Variants in TAS2R1 observed in about 807,000 individuals in gnomAD.
TAS2R1 encodes taste 2 receptor member 1.
For missense variants in TAS2R1, 370 were observed against 353.4 expected, an observed-to-expected ratio of 1.05 and a Z score of -0.38; for synonymous variants, 141 against 134.2, an observed-to-expected ratio of 1.05 and a Z score of -0.35.
chr5:9,789,624 G>T, the TAS2R1 span, among the ~76,000 whole-genome samples: 2 of 152,214 alleles, frequency 1.3e-5, no homozygotes, highest in Non-Finnish European at 2.9e-5. Flanking sequence ...TGTACCAGAT[G>T]CATGAATCGA....
chr5:9,793,244 G>A, the TAS2R1 span, among the ~76,000 whole-genome samples: 1 of 152,308 alleles, frequency 6.6e-6, no homozygotes, highest in South Asian at 2.1e-4. Flanking sequence ...AAGGGCATAG[G>A]AAATGATGCA....
the TAS2R1 span, among the ~76,000 whole-genome samples, chr5:9,792,365 G>C: frequency 2.0e-5 from 3 of 152,264 alleles, no homozygotes; most frequent in South Asian, 4.1e-4. Context: ...GAACCCATCT[G>C]TTCTATCTGG....
the TAS2R1 span, among the ~76,000 whole-genome samples, chr5:9,743,155 G>C: frequency 6.6e-6 from 1 of 151,886 alleles, no homozygotes; most frequent in Non-Finnish European, 1.5e-5. Flanking sequence ...ATACATTCCA[G>C]ATTAACTTTA....
At chr5:9,836,732 A>G in the TAS2R1 span, among the ~76,000 whole-genome samples, 1 of 152,184 alleles carries the variant, frequency 6.6e-6, no homozygotes, top group Non-Finnish European at 1.5e-5. Flanking sequence ...AAATAGCAAA[A>G]CCACCCCTTG....
the TAS2R1 span, among the ~76,000 whole-genome samples, chr5:9,750,882 A>G: frequency 1.5e-4 from 23 of 152,104 alleles, no homozygotes; most frequent in Admixed American, 1.4e-3. Context: ...CTCACATACA[A>G]ATGCCATAGA....
chr5:9,826,116 C>A, the TAS2R1 span, among the ~76,000 whole-genome samples: 2 of 152,044 alleles, frequency 1.3e-5, no homozygotes, highest in African/African-American at 4.8e-5. Context: ...TTACATTTAA[C>A]ATTATAAGTC....
At chr5:9,657,378 T>C (rs1018017585) in intron 2 of TAS2R1, among the ~76,000 whole-genome samples, 1 of 152,204 alleles carries the variant, frequency 6.6e-6, no homozygotes, top group African/African-American at 2.4e-5. Context: ...AGTTAGATCC[T>C]TTTCCCTTAA....
the TAS2R1 span, among the ~76,000 whole-genome samples, chr5:9,857,102 A>G: frequency 1.3e-5 from 2 of 152,202 alleles, no homozygotes; most frequent in East Asian, 1.9e-4. Flanking sequence ...AGTAGATTCT[A>G]TGGAAGCATA....
Position 9,628,738 on chromosome 5 carries a change from T to C in TAS2R1, c.*395A>G, listed in dbSNP as rs1474757258. Among the ~76,000 whole-genome samples, 1 of 152,252 alleles carries C rather than the reference T, an allele frequency of 6.6e-6. No homozygotes were observed. Among genetic ancestry groups the C allele is most frequent in the African/African-American group, 2.4e-5 (1 of 41,470 alleles). ...ACCATACAGCATTCATGTGTCCTTCTGACATCACGAGTTCAAACAAGTGCT... is the reference window on the plus strand; with the variant it reads ...ACCATACAGCATTCATGTGTCCTTCCGACATCACGAGTTCAAACAAGTGCT... On this transcript the variant is annotated 3_prime_UTR_variant, in exon 1 of 1. Coordinates refer to ENST00000382492, the MANE Select transcript of TAS2R1 (RefSeq NM_019599.3).
chr5:9,759,771 A>G, the TAS2R1 span, among the ~76,000 whole-genome samples: 2 of 152,236 alleles, frequency 1.3e-5, no homozygotes, highest in Non-Finnish European at 2.9e-5. Flanking sequence ...TACATGGTTC[A>G]TTATACCAAC....
chr5:9,861,550 CAG>C, the TAS2R1 span, among the ~76,000 whole-genome samples: 1 of 152,166 alleles, frequency 6.6e-6, no homozygotes, highest in Non-Finnish European at 1.5e-5. Flanking sequence ...GCACTTGTTT[CAG>C]AGTCTTGTCT....
the TAS2R1 span, among the ~76,000 whole-genome samples, chr5:9,800,580 T>C: frequency 6.6e-6 from 1 of 152,048 alleles, no homozygotes. Flanking sequence ...GGCAAGTAGA[T>C]GTGTAGGCAC....
the TAS2R1 span, among the ~76,000 whole-genome samples, chr5:9,766,790 A>G: frequency 4.6e-5 from 7 of 152,166 alleles, no homozygotes; most frequent in Non-Finnish European, 8.8e-5. Context: ...TCTGAACTAC[A>G]TGACTGTGGC....
At chr5:9,663,803 C>T (rs1056860827) in intron 1 of TAS2R1, among the ~76,000 whole-genome samples, 2 of 152,014 alleles carry the variant, frequency 1.3e-5, no homozygotes, top group African/African-American at 2.4e-5. Flanking sequence ...CCTGGGTTAC[C>T]CAGGTAAGCC....
At chr5:9,660,408 C>T (rs539516027) in intron 1 of TAS2R1, among the ~76,000 whole-genome samples, 78 of 152,094 alleles carry the variant, frequency 5.1e-4, no homozygotes, top group Non-Finnish European at 9.6e-4. Flanking sequence ...AAAATAGGGT[C>T]AAATATGAAC....
chr5:9,855,954 G>A, the TAS2R1 span, among the ~76,000 whole-genome samples: 2 of 151,742 alleles, frequency 1.3e-5, no homozygotes, highest in Non-Finnish European at 2.9e-5. Flanking sequence ...CTTTTACAAT[G>A]TGTTTTCTAG....
chr5:9,879,547 C>A, the TAS2R1 span, among the ~76,000 whole-genome samples: 1 of 152,200 alleles, frequency 6.6e-6, no homozygotes, highest in East Asian at 1.9e-4. Context: ...ATAGCAACCT[C>A]ATGCTCAGCC....
the TAS2R1 span, among the ~76,000 whole-genome samples, chr5:9,864,050 A>G: frequency 6.6e-6 from 1 of 152,244 alleles, no homozygotes. Context: ...TGCTATGCCC[A>G]TAACTGAATA....
chr5:9,633,347 A>G (rs1173060647), upstream of TAS2R1, among the ~76,000 whole-genome samples: 1 of 129,340 alleles, frequency 7.7e-6, no homozygotes, highest in Non-Finnish European at 1.6e-5. Context: ...CCACTCATTC[A>G]TCGATGGGCA....
Sources: allele counts gnomAD v4.1 joint callset (sites outside exome capture counted in the v4.1 genomes callset), GRCh38; gene constraint gnomAD v4.1.1; transcripts MANE v1.5; gene names NCBI Gene and HGNC (gene_info 2026-07-23, HGNC 2026-07-21).